Variants in HMCN2 observed in about 807,000 individuals in gnomAD.
HMCN2 encodes the protein hemicentin 2, also known as hemicentin-2.
Under a neutral mutation model 377.5 loss-of-function variants are expected in HMCN2, and 325 were observed. That is an observed-to-expected ratio of 0.86 (90% CI 0.79 to 0.94). The LOEUF is 0.94. Among genes scored for constraint, HMCN2 ranks in the 40% least tolerant of loss-of-function variants. HMCN2 has a pLI of 0.00. For synonymous variants in HMCN2, 2,007 were observed against 2,046.8 expected (o/e 0.98, Z 0.53); for missense variants, 4,543 against 4,725.3 (o/e 0.96, Z 1.13).
At chr9:130,324,655 C>G (rs1443051227) in intron 19 of HMCN2, among the ~76,000 whole-genome samples, 1 of 152,032 alleles carries the variant, frequency 6.6e-6, no homozygotes, top group Non-Finnish European at 1.5e-5. Flanking sequence ...GATGGAGTCT[C>G]ACTCTATGGC....
chr9:130,281,768 C>T (rs1382911229), intron 1 of HMCN2, among the ~76,000 whole-genome samples: 1 of 151,790 alleles, frequency 6.6e-6, no homozygotes, highest in East Asian at 1.9e-4. Flanking sequence ...GTGGCATGCA[C>T]CTGTAATCCC....
intron 4 of HMCN2, among the ~76,000 whole-genome samples, chr9:130,286,797 T>C (rs1835437754): frequency 6.6e-6 from 1 of 152,210 alleles, no homozygotes; most frequent in African/African-American, 2.4e-5. Flanking sequence ...GCTGGCTTGC[T>C]GTGTGGCCTA....
chr9:130,316,930 G>C (rs1837592894), intron 15 of HMCN2, among the ~76,000 whole-genome samples: 1 of 152,192 alleles, frequency 6.6e-6, no homozygotes, highest in Admixed American at 6.5e-5. Flanking sequence ...AGGGCCTTCA[G>C]CTCTGGCCTA....
intron 23 of HMCN2, among the ~76,000 whole-genome samples, chr9:130,340,782 T>C (rs1839003484): frequency 6.6e-6 from 1 of 152,186 alleles, no homozygotes; most frequent in South Asian, 2.1e-4. Flanking sequence ...CCTCCCACAG[T>C]TCTGAGATTA....
intron 95 of HMCN2, chr9:130,430,831 T>C (rs1276377984): frequency 3.6e-6 from 2 of 557,134 alleles, no homozygotes; most frequent in Non-Finnish European, 6.3e-6. Flanking sequence ...TTTTAAACCA[T>C]TTGACTTCAG....
chr9:130,360,729 C>G lies in HMCN2; in HGVS notation c.5950+125C>G. The G allele has an allele frequency of 2.5e-6, 1 of 404,902 alleles. No individual in the cohort carries two copies. The highest frequency in any genetic ancestry group is 2.2e-5 in the South Asian group (1 of 44,586). 25.1% of individuals were successfully genotyped at this position (404,902 alleles called of 1,614,324 possible). A position where few individuals can be genotyped will look rare whatever the true frequency, so the allele number is the denominator to read the frequency against. ...TCTACCACCCCATCCATCCGTTACC[C>G]CATCCATCCATCATCCATCCAACCA... On this transcript the variant is annotated intron_variant, in intron 38 of 97. Coordinates refer to ENST00000683500, the MANE Select transcript of HMCN2 (RefSeq NM_001291815.2). The surrounding 1 kb of genome is among the most constrained non-coding windows in gnomAD (Gnocchi z 4.7).
At chr9:130,395,158 C>G (rs1215656382) in intron 70 of HMCN2, 50 bp downstream of exon 70, 4 of 1,276,498 alleles carry the variant, frequency 3.1e-6, no homozygotes, top group Non-Finnish European at 4.1e-6. Flanking sequence ...AGGACGGGCT[C>G]GCGGCAGGGG....
At position 130,433,497 on chromosome 9, in the gene HMCN2, G is replaced by C. The variant is rs1357784401; in HGVS notation, c.15044G>C (p.Arg5015Pro). The C allele has an allele frequency of 6.7e-7, 1 of 1,498,514 alleles. No individual in the cohort carries two copies. Among genetic ancestry groups the C allele is most frequent in the Non-Finnish European group, 8.8e-7 (1 of 1,131,504 alleles). The allele number at this position is 1,498,514 out of a possible 1,614,324, so 92.8% of individuals were successfully genotyped here. A position where few individuals can be genotyped will look rare whatever the true frequency, so the allele number is the denominator to read the frequency against. ...AFSEVGVPAN[R>P]TELSMLEPDP... Reference sequence around the variant, plus strand: ...TCCGAGGTCGGCGTCCCCGCCAACCGCACCGAGCTCAGCATGCTGGAGCCC... The same window carrying C: ...TCCGAGGTCGGCGTCCCCGCCAACCCCACCGAGCTCAGCATGCTGGAGCCC... The change falls in exon 98 of 98, where the codon CGC (arginine) becomes CCC (proline). Residue 5015 changes from arginine to proline, a missense_variant. Coordinates refer to ENST00000683500, the MANE Select transcript of HMCN2 (RefSeq NM_001291815.2).
At position 130,399,630 on chromosome 9, in the gene HMCN2, A is replaced by G. The variant is rs1383493460; in HGVS notation, c.11603A>G (p.His3868Arg). 3.1e-6 allele frequency: 4 copies of G among 1,288,764 alleles called. No homozygotes were observed. In the South Asian group the frequency reaches 3.7e-5, roughly 12 times the overall value. 79.8% of individuals were successfully genotyped at this position (1,288,764 alleles called of 1,614,324 possible). A position where few individuals can be genotyped will look rare whatever the true frequency, so the allele number is the denominator to read the frequency against. ...EAHRLYQVTV[H>R]VPPTIADDQT... Reference sequence around the variant, plus strand: ...CACAGGCTCTACCAGGTGACCGTCCATGGTGAGTCGGGGCAGAGGTGGAGG... The same window carrying G: ...CACAGGCTCTACCAGGTGACCGTCCGTGGTGAGTCGGGGCAGAGGTGGAGG... Residue 3868 changes from histidine to arginine, a missense_variant and splice_region_variant, in exon 76 of 98, where the codon CAT becomes CGT. His to Arg is a conservative substitution (Grantham distance 29). Coordinates refer to ENST00000683500, the MANE Select transcript of HMCN2 (RefSeq NM_001291815.2).
At chr9:130,294,062 A>G (rs563432419) in intron 4 of HMCN2, among the ~76,000 whole-genome samples, 1 of 152,160 alleles carries the variant, frequency 6.6e-6, no homozygotes, top group Non-Finnish European at 1.5e-5. Context: ...ATAGGTGCCT[A>G]GGACCATAGA....
rs1554931776 is a variant in HMCN2, at chr9:130,295,649, C to A, written c.785-17C>A. On this transcript the variant is annotated splice_polypyrimidine_tract_variant and intron_variant, in intron 5 of 97. Transcript: ENST00000683500. ...AGCAAAGGGTTAGGGACTGAGCAGC[C>A]CTTGGGGCTTCCACAGGGAGGATCC... 2.1e-6 allele frequency: 1 copy of A among 469,988 alleles called. No individual in the cohort carries two copies. The highest frequency in any genetic ancestry group is 4.4e-6 in the Non-Finnish European group (1 of 226,634). 29.1% of individuals were successfully genotyped at this position (469,988 alleles called of 1,614,324 possible).
Position 130,431,284 on chromosome 9 carries a change from G to T in HMCN2, c.14648-83G>T. The T allele has an allele frequency of 2.9e-6, 4 of 1,366,916 alleles. No individual in the cohort carries two copies. In the East Asian group the frequency reaches 1.0e-4, roughly 34 times the overall value. 84.7% of individuals were successfully genotyped at this position (1,366,916 alleles called of 1,614,324 possible). On this transcript the variant is annotated intron_variant, in intron 95 of 97. Coordinates refer to ENST00000683500, the MANE Select transcript of HMCN2 (RefSeq NM_001291815.2). ...GGCAGCTCCAGAGCCCAGCGGGCAG[G>T]TGTGTGGCCACGTTGGTGTCTGTGG...
chr9:130,385,773 C>G lies in HMCN2; in HGVS notation c.9309+11C>G, dbSNP rs1841990353. 1.5e-6 allele frequency: 2 copies of G among 1,301,970 alleles called. No individual in the cohort carries two copies. The highest frequency in any genetic ancestry group is 1.2e-5 in the South Asian group (1 of 80,988). The allele number at this position is 1,301,970 out of a possible 1,614,324, so 80.7% of individuals were successfully genotyped here. A position where few individuals can be genotyped will look rare whatever the true frequency, so the allele number is the denominator to read the frequency against. On this transcript the variant is annotated intron_variant, in intron 60 of 97. Coordinates refer to ENST00000683500, the MANE Select transcript of HMCN2 (RefSeq NM_001291815.2). Reference sequence around the variant, plus strand: ...ATCCAGGAAGCCCAGGTGAGCAACCCTGGGGGCACGGGCAGCCATGAGCGC... The same window carrying G: ...ATCCAGGAAGCCCAGGTGAGCAACCGTGGGGGCACGGGCAGCCATGAGCGC...
At chr9:130,277,994 T>TG (rs1834860611) in intron 1 of HMCN2, among the ~76,000 whole-genome samples, 1 of 41,336 alleles carries the variant, frequency 2.4e-5, no homozygotes, top group African/African-American at 2.0e-4. Flanking sequence ...ACCACGATCA[T>TG]CACCACCACC....
In HMCN2 at chr9:130,349,140, G is replaced by C. The variant is rs1564803169; in HGVS notation, c.4303+9G>C. On this transcript the variant is annotated intron_variant, in intron 28 of 97. Coordinates refer to ENST00000683500, the MANE Select transcript of HMCN2 (RefSeq NM_001291815.2). The stretch of plus-strand genomic sequence containing the variant: ...CCATCTCCTTGTGCTCAGTGAGTGA[G>C]ACCTGAGCCCTGTAACTCCCAAGTG... The C allele has an allele frequency of 7.7e-7, 1 of 1,302,796 alleles. No homozygotes were observed. Among genetic ancestry groups the C allele is most frequent in the South Asian group, 1.2e-5 (1 of 80,968 alleles). 80.7% of individuals were successfully genotyped at this position (1,302,796 alleles called of 1,614,324 possible).
intron 1 of HMCN2, among the ~76,000 whole-genome samples, chr9:130,277,058 T>C (rs1209641934): frequency 1.3e-5 from 2 of 152,220 alleles, no homozygotes; most frequent in Non-Finnish European, 2.9e-5. Context: ...CCGGGACACA[T>C]GAAGCTGGGC....
intron 53 of HMCN2, among the ~76,000 whole-genome samples, chr9:130,378,255 A>G (rs1841500105): frequency 6.7e-6 from 1 of 148,908 alleles, no homozygotes. Context: ...AAAGTGAAGG[A>G]AGGAAAGGAG....
chr9:130,338,895 A>G (rs1564794576), intron 23 of HMCN2, among the ~76,000 whole-genome samples: 1 of 152,236 alleles, frequency 6.6e-6, no homozygotes, highest in Admixed American at 6.5e-5. Context: ...CTGAAATTCA[A>G]ATTTCAGTGT....
chr9:130,388,116 G>A (rs1424450162), intron 61 of HMCN2, among the ~76,000 whole-genome samples: 3 of 152,124 alleles, frequency 2.0e-5, no homozygotes, highest in Non-Finnish European at 2.9e-5. Flanking sequence ...TCATCCTGGC[G>A]GAGCAGGAGA....
Sources: allele counts gnomAD v4.1 joint callset (sites outside exome capture counted in the v4.1 genomes callset), GRCh38; gene constraint gnomAD v4.1.1; non-coding constraint Gnocchi (gnomAD v3.1); transcripts MANE v1.5; gene names NCBI Gene and HGNC (gene_info 2026-07-23, HGNC 2026-07-21).